SERPIND1: variants seen among roughly 807,000 people sequenced by gnomAD.
SERPIND1 encodes the protein serpin family D member 1, also known as heparin cofactor 2.
In SERPIND1, 34 loss-of-function variants were observed where a neutral mutation model predicts 35.0. The ratio of observed to expected loss-of-function variants is 0.97; its 90% CI spans 0.74 to 1.29. The LOEUF is 1.29. Ranked by LOEUF, SERPIND1 falls within the 50% of genes most tolerant of loss-of-function variation. The pLI is 0.00. For synonymous variants in SERPIND1, 236 were observed against 241.1 expected (o/e 0.98, Z 0.19); for missense variants, 633 against 637.7 (o/e 0.99, Z 0.08).
At chr22:20,779,266 G>A (rs369383025) in intron 1 of SERPIND1, 31 bp from the exon 2 acceptor site, 263 of 1,612,522 alleles carry the variant, frequency 1.6e-4, no homozygotes, top group Non-Finnish European at 2.1e-4. Context: ...CAGCCAGGCC[G>A]CCTTTCACTG....
intron 1 of SERPIND1, among the ~76,000 whole-genome samples, chr22:20,777,470 G>C (rs1447991216): frequency 6.6e-6 from 1 of 151,938 alleles, no homozygotes; most frequent in Non-Finnish European, 1.5e-5. Context: ...CGCCCACCTC[G>C]GCCTCCCAAA....
At chr22:20,786,247 C>T (rs998094889) in intron 4 of SERPIND1, 99 bp downstream of exon 4, 2 of 1,339,658 alleles carry the variant, frequency 1.5e-6, no homozygotes, top group African/African-American at 2.9e-5. Context: ...AATCTCATGT[C>T]CCAGCTTGGG....
chr22:20,784,319 C>G, intron 3 of SERPIND1, 74 bp downstream of exon 3: 2 of 1,594,692 alleles, frequency 1.3e-6, no homozygotes, highest in Non-Finnish European at 1.7e-6. Context: ...GAAAATGGAT[C>G]ATTTTTTTAA....
intron 2 of SERPIND1, among the ~76,000 whole-genome samples, chr22:20,780,775 CAAAA>C (rs538327544): frequency 4.4e-5 from 3 of 67,686 alleles, no homozygotes; most frequent in African/African-American, 1.3e-4. Flanking sequence ...GACTCCATCT[CAAAA>C]AAAAAAAAAA....
At chr22:20,775,206 G>A (rs1933172980) in intron 1 of SERPIND1, among the ~76,000 whole-genome samples, 1 of 151,350 alleles carries the variant, frequency 6.6e-6, no homozygotes, top group Non-Finnish European at 1.5e-5. Flanking sequence ...AAAAAAAAAA[G>A]CAAAACAAAC....
At chr22:20,785,593 T>C (rs530005811) in intron 3 of SERPIND1, among the ~76,000 whole-genome samples, 29 of 152,270 alleles carry the variant, frequency 1.9e-4, no homozygotes, top group Non-Finnish European at 3.1e-4. Context: ...TTGTCTAGTA[T>C]ATACAGGAAA....
intron 1 of SERPIND1, among the ~76,000 whole-genome samples, chr22:20,779,016 A>G (rs1381370079): frequency 6.6e-6 from 1 of 152,180 alleles, no homozygotes; most frequent in Non-Finnish European, 1.5e-5. Flanking sequence ...GGGATGCCTG[A>G]GCTCCCAGGA....
At chr22:20,775,228 T>G (rs1287806467) in intron 1 of SERPIND1, among the ~76,000 whole-genome samples, 1 of 152,194 alleles carries the variant, frequency 6.6e-6, no homozygotes, top group African/African-American at 2.4e-5. Context: ...TTTGAATGAT[T>G]TATCTTTAAA....
intron 2 of SERPIND1, among the ~76,000 whole-genome samples, chr22:20,782,844 G>T (rs1933902946): frequency 6.6e-6 from 1 of 152,162 alleles, no homozygotes; most frequent in Non-Finnish European, 1.5e-5. Flanking sequence ...GAAACCCTGG[G>T]TGAGGCAGAC....
chr22:20,777,249 T>C (rs1933371786), intron 1 of SERPIND1, among the ~76,000 whole-genome samples: 1 of 150,952 alleles, frequency 6.6e-6, no homozygotes, highest in Admixed American at 6.6e-5. Context: ...GGAGTTTCGC[T>C]CTTTTTGCCC....
At chr22:20,781,580 G>A (rs1933802406) in intron 2 of SERPIND1, among the ~76,000 whole-genome samples, 1 of 152,230 alleles carries the variant, frequency 6.6e-6, no homozygotes, top group African/African-American at 2.4e-5. Flanking sequence ...GCTCTACAAG[G>A]CAGGCATTCT....
chr22:20,787,529 G>C lies in SERPIND1; in HGVS notation c.*463G>C, dbSNP rs540424187. 19 of 235,366 alleles carry C rather than the reference G, an allele frequency of 8.1e-5. No homozygotes were observed. In the East Asian group the frequency reaches 2.0e-3, roughly 25 times the overall value. 14.6% of individuals were successfully genotyped at this position (235,366 alleles called of 1,614,324 possible). ...ACTAGCACCATTCTTGATGTCCAGG[G>C]AAGAAGCCACCTCAAGACATATGAG... On this transcript the variant is annotated 3_prime_UTR_variant, in exon 5 of 5. Coordinates refer to ENST00000215727, the MANE Select transcript of SERPIND1 (RefSeq NM_000185.4).
At position 20,784,054 on chromosome 22, in the gene SERPIND1, C is replaced by T; in HGVS notation, c.972C>T (p.Ser324=). ...ATGAGAGAGAGGTAGTTAAGGTTTC[C>T]ATGATGCAGACCAAGGGGAACTTCC... ...RLNEREVVKV[S]MMQTKGNFLA... Residue 324 remains serine (S), a synonymous_variant, in exon 3 of 5, where the codon TCC becomes TCT. Coordinates refer to ENST00000215727, the MANE Select transcript of SERPIND1 (RefSeq NM_000185.4). The T allele has an allele frequency of 6.2e-7, 1 of 1,614,140 alleles. No individual in the cohort carries two copies. The highest frequency in any genetic ancestry group is 8.5e-7 in the Non-Finnish European group (1 of 1,180,032).
In SERPIND1 at chr22:20,778,159, G is replaced by A. The variant is rs117949047; in HGVS notation, c.-16-1138G>A. Among the ~76,000 whole-genome samples, 1,151 of 152,168 alleles carry A rather than the reference G, an allele frequency of 7.6e-3. 11 individuals are homozygous for A. The highest frequency in any genetic ancestry group is 0.055 in the East Asian group (285 of 5,178). On this transcript the variant is annotated intron_variant, in intron 1 of 4. Transcript: ENST00000215727. ...GGCTGCCACCACATCACCTCACTAC[G>A]CCCTGAGGGGGTCTCAGCACTAGAC...
intron 2 of SERPIND1, among the ~76,000 whole-genome samples, chr22:20,781,065 C>T (rs1933763751): frequency 6.6e-6 from 1 of 152,126 alleles, no homozygotes; most frequent in Non-Finnish European, 1.5e-5. Flanking sequence ...TACTTTTGAA[C>T]TACTGGGCAG....
chr22:20,781,628 T>A (rs562550784), intron 2 of SERPIND1, among the ~76,000 whole-genome samples: 1 of 152,324 alleles, frequency 6.6e-6, no homozygotes, highest in South Asian at 2.1e-4. Flanking sequence ...GACACCCAGG[T>A]TTCCACCCCA....
At chr22:20,775,671 A>C (rs1188832350) in intron 1 of SERPIND1, among the ~76,000 whole-genome samples, 1 of 152,092 alleles carries the variant, frequency 6.6e-6, no homozygotes, top group Admixed American at 6.6e-5. Context: ...CTTTTTTAAA[A>C]TAGAGATGAG....
chr22:20,783,715 C>T (rs1483403901), intron 2 of SERPIND1, among the ~76,000 whole-genome samples: 1 of 152,166 alleles, frequency 6.6e-6, no homozygotes, highest in Non-Finnish European at 1.5e-5. Context: ...GAGTTAGGTG[C>T]CTTACCATGG....
chr22:20,785,245 T>C (rs1026147609), intron 3 of SERPIND1, among the ~76,000 whole-genome samples: 1 of 152,102 alleles, frequency 6.6e-6, no homozygotes, highest in Admixed American at 6.5e-5. Context: ...AATTAAACTT[T>C]TTTTGGTAGA....
Sources: gnomAD v4.1 joint callset for allele counts (sites outside exome capture counted in the v4.1 genomes callset) on GRCh38, gnomAD v4.1.1 for gene constraint, MANE v1.5 for transcripts, NCBI Gene and HGNC (gene_info 2026-07-23, HGNC 2026-07-21) for gene names.